The following MASTL variants were observed in gnomAD, a reference collection of about 807,000 sequenced individuals.
MASTL encodes the protein microtubule associated serine/threonine kinase like.
Under a neutral mutation model 82.5 loss-of-function variants are expected in MASTL, and 54 were observed. That is an observed-to-expected ratio of 0.65 (90% confidence interval 0.53 to 0.82). The LOEUF is 0.82. Ranked by LOEUF, MASTL falls within the 40% of genes least tolerant of loss-of-function variation. MASTL has a pLI of 0.00. For missense variants in MASTL, 950 were observed against 1,047.8 expected, an observed-to-expected ratio of 0.91 and a Z score of 1.29; for synonymous variants, 323 against 368.9, an observed-to-expected ratio of 0.88 and a Z score of 1.43.
rs748234249 is a variant in MASTL at position 27,161,091 on chromosome 10, C to T, written c.465-3C>T. ...ATCTAATATTTGCCTTTTGTGTGTG[C>T]AGGGACTTGAAACCGGACAATATGC... On this transcript the variant is annotated splice_polypyrimidine_tract_variant and splice_region_variant and intron_variant, in intron 3 of 11. Coordinates refer to ENST00000375940, the MANE Select transcript of MASTL (RefSeq NM_001172303.3). The T allele has an allele frequency of 6.2e-7, 1 of 1,601,052 alleles. No individual in the cohort carries two copies. Among genetic ancestry groups the T allele is most frequent in the Admixed American group, 1.7e-5 (1 of 59,976 alleles).
intron 10 of MASTL, 96 bp from the exon 11 acceptor site, chr10:27,181,384 T>G (rs1173654699): frequency 1.1e-6 from 1 of 906,532 alleles, no homozygotes; most frequent in African/African-American, 1.8e-5. Context: ...AGAGTGAAAC[T>G]CCATCTCAAA....
Position 27,170,251 on chromosome 10 carries a change from G to T in MASTL, c.1292G>T (p.Gly431Val), listed in dbSNP as rs537654014. The T allele has an allele frequency of 6.2e-7, 1 of 1,614,116 alleles. No individual in the cohort carries two copies. Among genetic ancestry groups the T allele is most frequent in the Middle Eastern group, 1.6e-4 (1 of 6,062 alleles). Residue 431 changes from glycine to valine, a missense_variant, in exon 8 of 12, where the codon GGT (glycine) becomes GTT (valine). Gly to Val is a moderately radical substitution (Grantham distance 109). Coordinates refer to ENST00000375940, the MANE Select transcript of MASTL (RefSeq NM_001172303.3). ...HQSNQWAVDS[G>V]GISEEHLGKR... ...TCAAATCAGTGGGCTGTGGATTCTG[G>T]TGGGATATCTGAAGAGCACCTTGGG...
chr10:27,174,458 T>C (rs2058041757), intron 9 of MASTL, among the ~76,000 whole-genome samples: 2 of 152,192 alleles, frequency 1.3e-5, no homozygotes, highest in Admixed American at 1.3e-4. Flanking sequence ...AAATGAACTG[T>C]ATTCATCTTC....
chr10:27,161,705 A>T (rs1199356770), intron 4 of MASTL, among the ~76,000 whole-genome samples: 5 of 152,128 alleles, frequency 3.3e-5, no homozygotes, highest in Admixed American at 3.3e-4. Context: ...GAAAAATAGG[A>T]GTGATTATTC....
Position 27,181,358 on chromosome 10 carries a change from T to C in MASTL, c.2381-122T>C, listed in dbSNP as rs904797711. 19 of 758,682 alleles carry C rather than the reference T, an allele frequency of 2.5e-5. No homozygotes were observed. The African/African-American group carries it at 2.8e-4, about 11-fold the overall frequency. The allele number at this position is 758,682 out of a possible 1,614,324, so 47.0% of individuals were successfully genotyped here. ...GTGAGCTGAGATCACGCTTTTGCAC[T>C]CCAGCCTGGGTGACAAGAGTGAAAC... On this transcript the variant is annotated intron_variant, in intron 10 of 11. Transcript: ENST00000375940.
chr10:27,176,809 G>GA (rs138122627), intron 9 of MASTL, among the ~76,000 whole-genome samples: 1 of 150,824 alleles, frequency 6.6e-6, no homozygotes, highest in East Asian at 1.9e-4. Context: ...AAAAGCTTAA[G>GA]AAAACTTTTT....
chr10:27,180,172 T>C (rs10829201), intron 9 of MASTL, among the ~76,000 whole-genome samples: 91,798 of 152,038 alleles, frequency 0.6, 28,005 homozygotes, highest in Non-Finnish European at 0.65. Context: ...AAGGAATTGA[T>C]GAAGACAGTT....
intron 9 of MASTL, among the ~76,000 whole-genome samples, chr10:27,174,395 C>G (rs1192296864): frequency 6.6e-6 from 1 of 151,930 alleles, no homozygotes; most frequent in African/African-American, 2.4e-5. Flanking sequence ...ACATTTTCAC[C>G]TATCTTCTTT....
At chr10:27,179,322 AG>A (rs2058200263) in intron 9 of MASTL, among the ~76,000 whole-genome samples, 1 of 152,192 alleles carries the variant, frequency 6.6e-6, no homozygotes, top group Non-Finnish European at 1.5e-5. Flanking sequence ...TGGGAGACTG[AG>A]GCAGGTGGAT....
chr10:27,158,427 A>C (rs535713807), intron 1 of MASTL, 122 bp from the exon 2 acceptor site: 8 of 771,190 alleles, frequency 1.0e-5, no homozygotes, highest in Non-Finnish European at 1.7e-5. Context: ...GGATAACTTG[A>C]GCCTAGGAAA....
At chr10:27,155,933 A>G (rs779837794) in intron 1 of MASTL, among the ~76,000 whole-genome samples, 55 of 152,214 alleles carry the variant, frequency 3.6e-4, no homozygotes, top group Non-Finnish European at 3.4e-4. Context: ...AGGTGATTAC[A>G]TCGGTCTTAG....
intron 2 of MASTL, 74 bp downstream of exon 2, chr10:27,158,760 G>C (rs2057474054): frequency 1.3e-6 from 2 of 1,547,550 alleles, no homozygotes; most frequent in African/African-American, 2.7e-5. Flanking sequence ...AGAGAACCAT[G>C]TTTTGGTTCA....
intron 10 of MASTL, 121 bp downstream of exon 10, chr10:27,181,187 C>T (rs2058275382): frequency 6.8e-6 from 5 of 729,932 alleles, no homozygotes; most frequent in South Asian, 4.3e-5. Context: ...GAGTTCGAGA[C>T]CAGCCTGGCC....
rs1420055474 is a variant in MASTL, at chr10:27,156,686, A to T, written c.186+1074A>T. Reference sequence around the variant, plus strand: ...GGCTGATTTGTGTAGTTTTTTTTTTAGCCGAGATTGAATTTAGCCAGGTTG... The same window carrying T: ...GGCTGATTTGTGTAGTTTTTTTTTTTGCCGAGATTGAATTTAGCCAGGTTG... On this transcript the variant is annotated intron_variant, in intron 1 of 11. Coordinates refer to ENST00000375940, the MANE Select transcript of MASTL (RefSeq NM_001172303.3). Among the ~76,000 whole-genome samples the T allele has an allele frequency of 5.4e-5, 8 of 147,582 alleles. No homozygotes were observed. In the Admixed American group the frequency reaches 5.4e-4, roughly 10 times the overall value.
In MASTL at chr10:27,172,581, G is replaced by A. The variant is rs1448777087; in HGVS notation, c.2125-537G>A. On this transcript the variant is annotated intron_variant, in intron 8 of 11. Coordinates refer to ENST00000375940, the MANE Select transcript of MASTL (RefSeq NM_001172303.3). ...AGGCAGGAAAATTCCTTGAACCTGG[G>A]AGGCGGAGGTTGTGGTGAGCCGAGA... Among the ~76,000 whole-genome samples the A allele has an allele frequency of 2.6e-5, 4 of 152,088 alleles. No individual in the cohort carries two copies. The East Asian group carries it at 7.7e-4, about 29-fold the overall frequency.
chr10:27,174,323 C>T (rs927264503), intron 9 of MASTL, among the ~76,000 whole-genome samples: 3 of 151,756 alleles, frequency 2.0e-5, no homozygotes, highest in African/African-American at 4.8e-5. Flanking sequence ...CCACTACACT[C>T]GAGCCTGGGC....
intron 4 of MASTL, among the ~76,000 whole-genome samples, chr10:27,162,574 C>T (rs2057606680): frequency 6.6e-6 from 1 of 151,952 alleles, no homozygotes; most frequent in African/African-American, 2.4e-5. Context: ...TAGGCTGAGG[C>T]AGGAGAATTG....
chr10:27,183,594 G>GA (rs2058455659), intron 11 of MASTL, among the ~76,000 whole-genome samples: 1 of 152,106 alleles, frequency 6.6e-6, no homozygotes, highest in Non-Finnish European at 1.5e-5. Flanking sequence ...GTAATATAGA[G>GA]AAAAGCATTA....
Position 27,155,535 on chromosome 10 carries a change from A to G in MASTL, c.109A>G (p.Ile37Val), listed in dbSNP as rs1012781973. Residue 37 changes from isoleucine (I) to valine (V), a missense_variant, in exon 1 of 12, where the codon ATA becomes GTA. Physicochemically the swap from Ile to Val is conservative, Grantham distance 29. Coordinates refer to ENST00000375940, the MANE Select transcript of MASTL (RefSeq NM_001172303.3). ...ACCGCCCTCCATTGAGGAATTCAGC[A>G]TAGTGAAGCCCATTAGCCGGGGCGC... ...PKPPSIEEFS[I>V]VKPISRGAFG... 19 of 1,614,192 alleles carry G rather than the reference A, an allele frequency of 1.2e-5. No homozygotes were observed. Among genetic ancestry groups the G allele is most frequent in the Non-Finnish European group, 1.6e-5 (19 of 1,180,022 alleles).
Sources: allele counts gnomAD v4.1 joint callset (sites outside exome capture counted in the v4.1 genomes callset), GRCh38; gene constraint gnomAD v4.1.1; transcripts MANE v1.5; gene names NCBI Gene and HGNC (gene_info 2026-07-23, HGNC 2026-07-21).